SCEL: variants seen among roughly 807,000 people sequenced by gnomAD.
The protein encoded by SCEL is sciellin.
In SCEL, 113 loss-of-function variants were observed where a neutral mutation model predicts 117.6. The ratio of observed to expected loss-of-function variants is 0.96; its 90% confidence interval spans 0.83 to 1.12. The LOEUF is 1.12. Ranked by LOEUF, SCEL falls within the 50% of genes most tolerant of loss-of-function variation. The pLI is 0.00. For missense variants in SCEL, 785 were observed against 810.8 expected, an observed-to-expected ratio of 0.97 and a Z score of 0.39; for synonymous variants, 270 against 256.2, an observed-to-expected ratio of 1.05 and a Z score of -0.51.
chr13:77,594,958 A>G (rs1284251629), intron 12 of SCEL, among the ~76,000 whole-genome samples: 1 of 152,212 alleles, frequency 6.6e-6, no homozygotes, highest in Non-Finnish European at 1.5e-5. Flanking sequence ...TTTCATTTCC[A>G]TGTCTTCCCT....
chr13:77,580,237 G>T (rs1304769682), intron 9 of SCEL, among the ~76,000 whole-genome samples: 2 of 152,194 alleles, frequency 1.3e-5, no homozygotes, highest in African/African-American at 4.8e-5. Flanking sequence ...ATTACTAGAA[G>T]GTCAGAGCCA....
chr13:77,614,022 T>G, intron 24 of SCEL, 67 bp downstream of exon 24: 1 of 1,278,154 alleles, frequency 7.8e-7, no homozygotes, highest in Admixed American at 1.8e-5. Context: ...AGAAATGATT[T>G]AGAATTATTC....
Position 77,618,024 on chromosome 13 carries a change from T to C in SCEL, c.1592T>C (p.Ile531Thr), listed in dbSNP as rs574385937. 2 of 1,613,378 alleles carry C rather than the reference T, an allele frequency of 1.2e-6. No individual in the cohort carries two copies. Among genetic ancestry groups the C allele is most frequent in the East Asian group, 2.2e-5 (1 of 44,876 alleles). ...NNQSQDLDNL[I>T]KVKPSALRNT... ...AACAGCCAAGACTTGGACAATCTTA[T>C]TAAAGTGAAACCTTCAGCTCTTAGA... The change falls in exon 27 of 33, where the codon ATT (isoleucine) becomes ACT (threonine). Residue 531 changes from isoleucine to threonine, a missense_variant. Coordinates refer to ENST00000349847, the MANE Select transcript of SCEL (RefSeq NM_144777.3).
chr13:77,588,452 GGTA>G (rs1220551007), intron 9 of SCEL, among the ~76,000 whole-genome samples: 1 of 152,134 alleles, frequency 6.6e-6, no homozygotes, highest in East Asian at 1.9e-4. Context: ...CTGCTGGGGT[GGTA>G]GTGGTGGGGA....
chr13:77,595,610 T>C (rs2087179061), intron 12 of SCEL, among the ~76,000 whole-genome samples: 1 of 151,870 alleles, frequency 6.6e-6, no homozygotes, highest in Non-Finnish European at 1.5e-5. Context: ...GGCTAAAATT[T>C]ATAGGACTCG....
chr13:77,551,348 A>G (rs2084310001), intron 1 of SCEL, among the ~76,000 whole-genome samples: 1 of 152,248 alleles, frequency 6.6e-6, no homozygotes, highest in Non-Finnish European at 1.5e-5. Context: ...GATCAAGGGC[A>G]GTGTAGACCA....
intron 1 of SCEL, among the ~76,000 whole-genome samples, chr13:77,553,330 A>G (rs972856271): frequency 2.0e-5 from 3 of 152,152 alleles, no homozygotes; most frequent in Admixed American, 6.5e-5. Flanking sequence ...TCACAATTGC[A>G]TTTACTGTCT....
At chr13:77,642,149 T>C (rs1228356632) in intron 31 of SCEL, among the ~76,000 whole-genome samples, 8 of 152,156 alleles carry the variant, frequency 5.3e-5, no homozygotes, top group Non-Finnish European at 7.4e-5. Context: ...ACAAACATGT[T>C]CACACTCTTA....
chr13:77,627,696 A>C (rs1205291540), intron 27 of SCEL, among the ~76,000 whole-genome samples: 2 of 152,118 alleles, frequency 1.3e-5, no homozygotes, highest in African/African-American at 4.8e-5. Context: ...ATTTCTTTTC[A>C]GATCAGATTT....
At position 77,593,588 on chromosome 13, in the gene SCEL, C is replaced by G; in HGVS notation, c.752+15C>G. On this transcript the variant is annotated intron_variant, in intron 12 of 32. Transcript: ENST00000349847. Reference sequence around the variant, plus strand: ...AGTGACAAAGGGTGAGATCTCAGAGCTTTTGAGCTTGGGTTTTATCTTCCC... The same window carrying G: ...AGTGACAAAGGGTGAGATCTCAGAGGTTTTGAGCTTGGGTTTTATCTTCCC... The G allele has an allele frequency of 6.2e-7, 1 of 1,606,544 alleles. No individual in the cohort carries two copies. The highest frequency in any genetic ancestry group is 8.5e-7 in the Non-Finnish European group (1 of 1,174,386).
intron 1 of SCEL, among the ~76,000 whole-genome samples, chr13:77,549,015 A>G (rs1423001890): frequency 6.6e-6 from 1 of 152,214 alleles, no homozygotes; most frequent in African/African-American, 2.4e-5. Context: ...TAGTGCTGCA[A>G]TAAACATGTG....
At chr13:77,573,679 A>ATCTG (rs967660679) in intron 9 of SCEL, among the ~76,000 whole-genome samples, 1 of 145,400 alleles carries the variant, frequency 6.9e-6, no homozygotes, top group Admixed American at 6.9e-5. Flanking sequence ...CTATCTATCT[A>ATCTG]TCTGTCTATC....
chr13:77,552,010 C>A (rs990953001), intron 1 of SCEL, among the ~76,000 whole-genome samples: 128 of 151,842 alleles, frequency 8.4e-4, no homozygotes, highest in Middle Eastern at 3.4e-3. Context: ...CATGTCCCTA[C>A]AAAGGACATG....
At position 77,644,258 on chromosome 13, in the gene SCEL, C is replaced by A. The variant is rs541466633; in HGVS notation, c.2051C>A (p.Ala684Glu). 1 of 1,612,882 alleles carries A rather than the reference C, an allele frequency of 6.2e-7. No homozygotes were observed. The highest frequency in any genetic ancestry group is 1.3e-5 in the African/African-American group (1 of 74,974). Residue 684 changes from alanine (A) to glutamate (E), a missense_variant and splice_region_variant, in exon 33 of 33, where the codon GCA becomes GAA. Ala to Glu is a moderately radical substitution (Grantham distance 107). Transcript: ENST00000349847. ...ACGTCTTTTTTCTTTTAATTTGCAG[C>A]AAAGTGGATTCCATAACTCTGGCAC... ...HCEPCYSKIMAKWIP is the reference protein window; with the variant it reads ...HCEPCYSKIMEKWIP
chr13:77,640,702 C>G lies in SCEL; in HGVS notation c.1865C>G (p.Thr622Ser). The change falls in exon 31 of 33, where the codon ACT becomes AGT. Residue 622 changes from threonine (T) to serine (S), a missense_variant. Thr to Ser is a moderately conservative substitution (Grantham distance 58). Transcript: ENST00000349847. ...DRSVIERDMC[T>S]YCRKPLGVET... ...TCTGTCATTGAAAGAGATATGTGCA[C>G]TTACTGCCGAAAACCCTTGGGTGTA... is the stretch of plus-strand genomic sequence containing the variant. 2.5e-6 allele frequency: 4 copies of G among 1,600,880 alleles called. No homozygotes were observed. Among genetic ancestry groups the G allele is most frequent in the Non-Finnish European group, 3.4e-6 (4 of 1,171,548 alleles).
chr13:77,641,689 T>G (rs936772608), intron 31 of SCEL, among the ~76,000 whole-genome samples: 1 of 152,286 alleles, frequency 6.6e-6, no homozygotes, highest in Non-Finnish European at 1.5e-5. Context: ...TTGGAGAAAC[T>G]ATGGGCCAAA....
At chr13:77,550,711 T>C (rs887620802) in intron 1 of SCEL, among the ~76,000 whole-genome samples, 1 of 152,208 alleles carries the variant, frequency 6.6e-6, no homozygotes, top group Non-Finnish European at 1.5e-5. Context: ...TTCCTTTTTA[T>C]GCTGAGTAAT....
chr13:77,539,889 C>G (rs1274817403), intron 1 of SCEL, among the ~76,000 whole-genome samples: 1 of 151,974 alleles, frequency 6.6e-6, no homozygotes, highest in Non-Finnish European at 1.5e-5. Flanking sequence ...ATGAGAATAG[C>G]TGATAGAATT....
chr13:77,548,217 T>C (rs1467367521), intron 1 of SCEL, among the ~76,000 whole-genome samples: 2 of 152,210 alleles, frequency 1.3e-5, no homozygotes, highest in Non-Finnish European at 2.9e-5. Flanking sequence ...TAACTTCCTC[T>C]TTGCAGAGGC....
Sources: allele counts gnomAD v4.1 joint callset (sites outside exome capture counted in the v4.1 genomes callset), GRCh38; gene constraint gnomAD v4.1.1; transcripts MANE v1.5; gene names NCBI Gene and HGNC (gene_info 2026-07-23, HGNC 2026-07-21).